The following PIWIL3 variants were observed in gnomAD, a reference collection of about 807,000 sequenced individuals.
PIWIL3 encodes the protein piwi like RNA-mediated gene silencing 3.
Under a neutral mutation model 109.7 loss-of-function variants are expected in PIWIL3, and 101 were observed. The observed-to-expected ratio is 0.92, with a 90% CI of 0.78 to 1.09. The LOEUF (loss-of-function observed/expected upper bound fraction) is 1.09, where lower values mean the gene tolerates loss of function less well. Ranked by LOEUF, PIWIL3 falls within the 50% of genes least tolerant of loss-of-function variation. The pLI is 0.00. For synonymous variants in PIWIL3, 373 were observed against 376.4 expected, an observed-to-expected ratio of 0.99 and a Z score of 0.10; for missense variants, 1,031 against 1,072.6, an observed-to-expected ratio of 0.96 and a Z score of 0.54.
intron 8 of PIWIL3, among the ~76,000 whole-genome samples, chr22:24,753,203 C>T (rs1924813054): frequency 6.6e-6 from 1 of 152,094 alleles, no homozygotes; most frequent in Non-Finnish European, 1.5e-5. Context: ...CTTTGAGTGG[C>T]TTATCTAAGG....
At chr22:24,749,106 C>T (rs897380769) in intron 11 of PIWIL3, 85 bp from the exon 12 acceptor site, 20 of 1,064,618 alleles carry the variant, frequency 1.9e-5, no homozygotes, top group Non-Finnish European at 2.7e-5. Flanking sequence ...CCTTCTATTC[C>T]AAGGTTCACC....
chr22:24,769,300 G>A (rs546078647), intron 1 of PIWIL3, among the ~76,000 whole-genome samples: 18 of 152,230 alleles, frequency 1.2e-4, no homozygotes, highest in Non-Finnish European at 1.9e-4. Flanking sequence ...TGGAAGAATT[G>A]TTTTGGGCTA....
rs1293996591 is a variant in PIWIL3, at chr22:24,728,030, G to C, written c.1929C>G (p.Gly643=). 1 of 1,613,998 alleles carries C rather than the reference G, an allele frequency of 6.2e-7. No individual in the cohort carries two copies. Among genetic ancestry groups the C allele is most frequent in the South Asian group, 1.1e-5 (1 of 91,082 alleles). Residue 643 remains glycine, a synonymous_variant, in exon 16 of 21, where the codon GGC becomes GGG. Transcript: ENST00000616349. ...TTACGATATCGTGGAAACAATCAAT[G>C]CCAACGAACATTGTTCTTTGTACCT... ...ETDVQRTMFV[G]IDCFHDIVNR...
chr22:24,751,262 T>C, intron 9 of PIWIL3, 125 bp downstream of exon 9: 6 of 979,032 alleles, frequency 6.1e-6, no homozygotes, highest in Non-Finnish European at 8.9e-6. Context: ...TAAGTCAAGC[T>C]ATAATCCCCT....
At chr22:24,762,230 T>C (rs954287237) in intron 2 of PIWIL3, 168 bp downstream of exon 2, 1 of 1,236,674 alleles carries the variant, frequency 8.1e-7, no homozygotes, top group Admixed American at 3.6e-5. Context: ...TCTGAGTAGA[T>C]AAAGCCTCCC....
At chr22:24,740,803 T>C (rs1168815208) in intron 12 of PIWIL3, among the ~76,000 whole-genome samples, 2 of 152,078 alleles carry the variant, frequency 1.3e-5, no homozygotes, top group East Asian at 1.9e-4. Context: ...CAGGACCAGA[T>C]GGATTCACAG....
chr22:24,754,154 G>A lies in PIWIL3; in HGVS notation c.837C>T (p.Thr279=). 1 of 1,614,058 alleles carries A rather than the reference G, an allele frequency of 6.2e-7. No homozygotes were observed. The change falls in exon 8 of 21, where the codon ACC becomes ACT. Residue 279 remains threonine (T), a synonymous_variant. Transcript: ENST00000616349. ...TSVLQYENSI[T]LCADVSHKLL... ...GTTTGTGGCTCACATCGGCACAGAG[G>A]GTAATGCTGTTTTCGTATTGAAGAA...
chr22:24,725,327 T>C, intron 17 of PIWIL3, 118 bp downstream of exon 17: 3 of 1,276,810 alleles, frequency 2.3e-6, no homozygotes, highest in Non-Finnish European at 3.3e-6. Flanking sequence ...TCCACCCCAG[T>C]TGTGACACCA....
intron 1 of PIWIL3, among the ~76,000 whole-genome samples, chr22:24,763,112 T>C (rs1375177309): frequency 1.3e-5 from 2 of 151,682 alleles, no homozygotes; most frequent in Non-Finnish European, 2.9e-5. Flanking sequence ...AAGCATCCTA[T>C]AATAAAAGAC....
chr22:24,772,403 T>C (rs1926180974), intron 1 of PIWIL3, among the ~76,000 whole-genome samples: 1 of 152,202 alleles, frequency 6.6e-6, no homozygotes, highest in South Asian at 2.1e-4. Flanking sequence ...TGTGGAATCA[T>C]AGCCTGTCCA....
chr22:24,721,004 C>A (rs1454616694), intron 19 of PIWIL3, among the ~76,000 whole-genome samples: 1 of 152,134 alleles, frequency 6.6e-6, no homozygotes, highest in Non-Finnish European at 1.5e-5. Flanking sequence ...TTTTTATACT[C>A]CATCGTAACT....
At chr22:24,768,545 C>G (rs1219153644) in intron 1 of PIWIL3, among the ~76,000 whole-genome samples, 1 of 152,184 alleles carries the variant, frequency 6.6e-6, no homozygotes, top group African/African-American at 2.4e-5. Context: ...AGCCCCCACG[C>G]CTGGCCTGTT....
rs1922934040 is a variant in PIWIL3, at chr22:24,725,441, T to C, written c.2080+4A>G. 3.1e-6 allele frequency: 5 copies of C among 1,613,680 alleles called. No individual in the cohort carries two copies. The highest frequency in any genetic ancestry group is 4.2e-6 in the Non-Finnish European group (5 of 1,180,018). The stretch of plus-strand genomic sequence containing the variant: ...GGGTTCCCCGACCGCTACAAGACAC[T>C]GACCTTTCAAGCAGATCTCCAGCTC... On this transcript the variant is annotated splice_donor_region_variant and intron_variant, in intron 17 of 20. Coordinates refer to ENST00000616349, the MANE Select transcript of PIWIL3 (RefSeq NM_001255975.1).
Position 24,768,213 on chromosome 22 carries a change from TTTTTTTGTTGTTG to T in PIWIL3, c.-22-5705_-22-5693del, listed in dbSNP as rs971632296. ...TCCTATATTTTGTTTTCCCTTTTTCTTTTTTTGTTGTTGTTTTTTGTTGTTGTTGTTTGTTTTT... is the reference window on the plus strand; with the variant it reads ...TCCTATATTTTGTTTTCCCTTTTTCTTTTTTTGTTGTTGTTGTTTGTTTTT... On this transcript the variant is annotated intron_variant, in intron 1 of 20. Coordinates refer to ENST00000616349, the MANE Select transcript of PIWIL3 (RefSeq NM_001255975.1). 5.3e-5 allele frequency among the ~76,000 whole-genome samples: 8 copies of T among 152,112 alleles called. No individual in the cohort carries two copies. The East Asian group carries it at 5.8e-4, about 11-fold the overall frequency.
chr22:24,740,684 C>T lies in PIWIL3; in HGVS notation c.1450-4792G>A, dbSNP rs566833936. On this transcript the variant is annotated intron_variant, in intron 12 of 20. Transcript: ENST00000616349. The stretch of plus-strand genomic sequence containing the variant: ...GAGGAGATGGATAAATTCCTGGAAC[C>T]GGAAATATACAACCCTCCTAGATCA... Among the ~76,000 whole-genome samples, 18 of 151,966 alleles carry T rather than the reference C, an allele frequency of 1.2e-4. No homozygotes were observed. The South Asian group carries it at 2.1e-3, about 18-fold the overall frequency.
chr22:24,727,247 C>T (rs78885933), intron 16 of PIWIL3, among the ~76,000 whole-genome samples: 140 of 152,298 alleles, frequency 9.2e-4, no homozygotes, highest in African/African-American at 3.2e-3. Context: ...TGGCAGAATA[C>T]CACCCCTGTG....
chr22:24,757,637 CATATATAAAATATGTATATATT>C (rs1166311253), intron 4 of PIWIL3, among the ~76,000 whole-genome samples: 4 of 122,770 alleles, frequency 3.3e-5, no homozygotes, highest in East Asian at 2.6e-4. Context: ...CACACACACA[CATATATAAAATATGTATATATT>C]ACACACACAC....
At chr22:24,741,713 C>G (rs1404602659) in intron 12 of PIWIL3, among the ~76,000 whole-genome samples, 1 of 152,074 alleles carries the variant, frequency 6.6e-6, no homozygotes, top group Non-Finnish European at 1.5e-5. Flanking sequence ...TGGAGTAAAA[C>G]TGGAAATCAG....
Position 24,734,119 on chromosome 22 carries a change from T to C in PIWIL3, c.1672A>G (p.Thr558Ala), listed in dbSNP as rs748224797. 3.7e-6 allele frequency: 6 copies of C among 1,612,994 alleles called. No homozygotes were observed. The highest frequency in any genetic ancestry group is 5.1e-6 in the Non-Finnish European group (6 of 1,179,664). ...GTTGGTCTAGTATATTTCCGTAATGTGTCTATATAGGAGTTAGCATCACCA... is the reference window on the plus strand; with the variant it reads ...GTTGGTCTAGTATATTTCCGTAATGCGTCTATATAGGAGTTAGCATCACCA... ...VDGDANSYID[T>A]LRKYTRPTLQ... Residue 558 changes from threonine (T) to alanine (A), a missense_variant, in exon 14 of 21, where the codon ACA (threonine) becomes GCA (alanine). Thr to Ala is a moderately conservative substitution (Grantham distance 58, BLOSUM62 0). Coordinates refer to ENST00000616349, the MANE Select transcript of PIWIL3 (RefSeq NM_001255975.1).
Sources: allele counts gnomAD v4.1 joint callset (sites outside exome capture counted in the v4.1 genomes callset), GRCh38; gene constraint gnomAD v4.1.1; transcripts MANE v1.5; gene names NCBI Gene and HGNC (gene_info 2026-07-23, HGNC 2026-07-21).